The following NPC1 variants were observed in gnomAD, a reference collection of about 807,000 sequenced individuals.
NPC1 encodes the protein NPC intracellular cholesterol transporter 1.
In NPC1, 85 loss-of-function variants were observed where a neutral mutation model predicts 140.4. That is an observed-to-expected ratio of 0.61 (90% CI 0.51 to 0.72). NPC1 has a LOEUF of 0.72. Ranked by LOEUF, NPC1 falls within the 30% of genes least tolerant of loss-of-function variation. The pLI, the probability that NPC1 is intolerant of heterozygous loss-of-function variation, is 0.00. For synonymous variants in NPC1, 656 were observed against 624.8 expected (o/e 1.05, Z -0.74); for missense variants, 1,504 against 1,623.8 (o/e 0.93, Z 1.27).
chr18:23,550,479 C>CATTTTTTTTTTTTTTTTTTTT, intron 10 of NPC1, among the ~76,000 whole-genome samples: 1 of 74,922 alleles, frequency 1.3e-5, no homozygotes, highest in Non-Finnish European at 2.2e-5. Flanking sequence ...TCTTACATTT[C>CATTTTTTTTTTTTTTTTTTTT]TTTTTTTTTT....
At chr18:23,572,521 C>T (rs748380422) in intron 2 of NPC1, among the ~76,000 whole-genome samples, 2 of 152,072 alleles carry the variant, frequency 1.3e-5, no homozygotes, top group African/African-American at 2.4e-5. Context: ...AAGTTGAAAC[C>T]TTTAATAATT....
Position 23,568,880 on chromosome 18 carries a change from G to T in NPC1, c.406C>A (p.Gln136Lys). The T allele has an allele frequency of 6.2e-7, 1 of 1,614,050 alleles. No individual in the cohort carries two copies. Among genetic ancestry groups the T allele is most frequent in the Non-Finnish European group, 8.5e-7 (1 of 1,179,928 alleles). The change falls in exon 4 of 25, where the codon CAG becomes AAG. Residue 136 changes from glutamine (Q) to lysine (K), a missense_variant. Coordinates refer to ENST00000269228, the MANE Select transcript of NPC1 (RefSeq NM_000271.5). The part of the protein sequence containing the change: ...TEDYVDPVTN[Q>K]TKTNVKELQY... ...AACTCTTTCACATTTGTTTTCGTCTGGTTTGTAACAGGATCAACATAATCT... is the reference window on the plus strand; with the variant it reads ...AACTCTTTCACATTTGTTTTCGTCTTGTTTGTAACAGGATCAACATAATCT...
chr18:23,513,725 T>G (rs991378554), intron 3 of NPC1, among the ~76,000 whole-genome samples: 1 of 152,244 alleles, frequency 6.6e-6, no homozygotes, highest in African/African-American at 2.4e-5. Flanking sequence ...TTGTTTTGTT[T>G]TTGATACTAG....
At chr18:23,581,458 T>C (rs1380866750) in intron 1 of NPC1, among the ~76,000 whole-genome samples, 3 of 152,304 alleles carry the variant, frequency 2.0e-5, no homozygotes, top group South Asian at 2.1e-4. Context: ...CAATGTGCCA[T>C]CTACTAGCTA....
chr18:23,570,786 C>T (rs117928574), intron 3 of NPC1, among the ~76,000 whole-genome samples: 696 of 152,300 alleles, frequency 4.6e-3, no homozygotes, highest in Middle Eastern at 0.01. Context: ...AGCCCTTTTT[C>T]ACTGCTCAGG....
chr18:23,551,781 G>T lies in NPC1; in HGVS notation c.1554-54C>A, dbSNP rs2058876901. 13 of 1,165,218 alleles carry T rather than the reference G, an allele frequency of 1.1e-5. 1 individual carries two copies. The South Asian group carries it at 1.6e-4, about 14-fold the overall frequency. 72.2% of individuals were successfully genotyped at this position (1,165,218 alleles called of 1,614,324 possible). A position where few individuals can be genotyped will look rare whatever the true frequency, so the allele number is the denominator to read the frequency against. On this transcript the variant is annotated intron_variant, in intron 9 of 24. Transcript: ENST00000269228. ...AGTTAGAAGGGCCTCAAGACATCAG[G>T]GACCTAAACATTTACACAGTGAACA...
intron 1 of NPC1, chr18:23,576,432 T>G (rs552687814): frequency 7.1e-6 from 7 of 982,400 alleles, no homozygotes; most frequent in Non-Finnish European, 7.3e-6. Flanking sequence ...AAAAAAAAAG[T>G]CATCCTGCCG....
intron 4 of NPC1, among the ~76,000 whole-genome samples, chr18:23,563,922 GTCTAC>G (rs1019491849): frequency 8.0e-5 from 12 of 149,402 alleles, no homozygotes; most frequent in African/African-American, 3.0e-4. Context: ...TTAGAGAAAT[GTCTAC>G]TCTATTCAGA....
intron 13 of NPC1, 131 bp downstream of exon 13, chr18:23,544,213 C>T: frequency 1.1e-6 from 1 of 874,852 alleles, no homozygotes; most frequent in South Asian, 1.4e-5. Flanking sequence ...GTCAAGACGA[C>T]CGATGAGCCA....
At chr18:23,530,279 A>T (rs370483111), downstream of NPC1, 174 of 1,614,094 alleles carry the variant, frequency 1.1e-4, no homozygotes, top group Non-Finnish European at 1.4e-4. Flanking sequence ...CTCATCAGCT[A>T]TCTCTGGACA....
At chr18:23,527,728 AC>A (rs1285626298), downstream of NPC1, 2 of 1,231,028 alleles carry the variant, frequency 1.6e-6, no homozygotes, top group Non-Finnish European at 2.4e-6. Flanking sequence ...TATCATAGCA[AC>A]GTGTGGAAAT....
At chr18:23,582,070 C>T (rs949057717) in intron 1 of NPC1, 2 of 152,072 alleles carry the variant, frequency 1.3e-5, no homozygotes, top group Admixed American at 6.6e-5. Flanking sequence ...TCAAGGAGTT[C>T]GATCTGTAAC....
At chr18:23,575,359 C>T (rs1198703416) in intron 1 of NPC1, among the ~76,000 whole-genome samples, 4 of 152,202 alleles carry the variant, frequency 2.6e-5, no homozygotes, top group South Asian at 4.2e-4. Flanking sequence ...GGTGAGAAGG[C>T]GGCACGGAGT....
intron 6 of NPC1, among the ~76,000 whole-genome samples, chr18:23,557,891 C>T (rs1399930776): frequency 6.6e-6 from 1 of 152,146 alleles, no homozygotes; most frequent in East Asian, 1.9e-4. Flanking sequence ...TAAGATAAAG[C>T]TGGGGATGGG....
intron 4 of NPC1, among the ~76,000 whole-genome samples, chr18:23,564,757 T>C (rs1209820002): frequency 2.0e-5 from 3 of 152,238 alleles, no homozygotes; most frequent in Admixed American, 6.5e-5. Flanking sequence ...TATGAGGCCA[T>C]GCAAATTAAT....
In NPC1 at chr18:23,532,301, CTT is replaced by C. The variant is rs932568903; in HGVS notation, c.3755-19_3755-18del. 4 of 1,613,476 alleles carry C rather than the reference CTT, an allele frequency of 2.5e-6. No homozygotes were observed. Among genetic ancestry groups the C allele is most frequent in the African/African-American group, 1.3e-5 (1 of 74,874 alleles). On this transcript the variant is annotated intron_variant, in intron 24 of 24. Transcript: ENST00000269228. ...CTGATGGCCCTATGAGAGAGAGAGA[CTT>C]TTTCTTATTTCTGCAGGAGAAAGGG...
At chr18:23,531,180 G>T (rs2058491846), downstream of NPC1, among the ~76,000 whole-genome samples, 1 of 151,978 alleles carries the variant, frequency 6.6e-6, no homozygotes. Flanking sequence ...TAGTAGAGAT[G>T]GGGTTTTACT....
chr18:23,579,619 A>G (rs996821586), intron 1 of NPC1, among the ~76,000 whole-genome samples: 6 of 152,188 alleles, frequency 3.9e-5, no homozygotes, highest in African/African-American at 1.2e-4. Context: ...GGCCAGGTGC[A>G]GTGGCTCATG....
At position 23,547,005 on chromosome 18, in the gene NPC1, T is replaced by TA. The variant is rs34907280; in HGVS notation, c.1757+1000dup. 3.5e-3 allele frequency among the ~76,000 whole-genome samples: 533 copies of TA among 152,296 alleles called. 4 individuals carry two copies. Among genetic ancestry groups the TA allele is most frequent in the African/African-American group, 0.012 (484 of 41,538 alleles). On this transcript the variant is annotated intron_variant, in intron 11 of 24. Coordinates refer to ENST00000269228, the MANE Select transcript of NPC1 (RefSeq NM_000271.5). Reference sequence around the variant, plus strand: ...TTTAAATTCTCTTTTTTCTTTTTTTTAGAGACATGCAAACATTGCCTAGGC... The same window carrying TA: ...TTTAAATTCTCTTTTTTCTTTTTTTTAAGAGACATGCAAACATTGCCTAGGC...
Sources: allele counts gnomAD v4.1 joint callset (sites outside exome capture counted in the v4.1 genomes callset), GRCh38; gene constraint gnomAD v4.1.1; transcripts MANE v1.5; gene names NCBI Gene and HGNC (gene_info 2026-07-23, HGNC 2026-07-21).